Variants in NRXN1 observed in about 807,000 individuals in gnomAD.
NRXN1 encodes neurexin 1.
Under a neutral mutation model 150.9 loss-of-function variants are expected in NRXN1, and 39 were observed. That is an observed-to-expected ratio of 0.26 (90% CI 0.20 to 0.34). The LOEUF (loss-of-function observed/expected upper bound fraction) is 0.34, where lower values mean the gene tolerates loss of function less well. Ranked by LOEUF, NRXN1 falls within the 10% of genes least tolerant of loss-of-function variation. NRXN1 has a pLI of 1.00. For synonymous variants in NRXN1, 924 were observed against 757.0 expected (o/e 1.22, Z -3.62); for missense variants, 1,815 against 1,949.9 (o/e 0.93, Z 1.30).
chr2:50,058,254 C>T (rs187058125), intron 19 of NRXN1, among the ~76,000 whole-genome samples: 2 of 151,704 alleles, frequency 1.3e-5, no homozygotes, highest in African/African-American at 4.8e-5. Context: ...GGTCACCTAA[C>T]AACAACAATA....
chr2:50,482,170 T>C (rs1024660174), intron 15 of NRXN1, among the ~76,000 whole-genome samples: 3 of 152,170 alleles, frequency 2.0e-5, no homozygotes, highest in Admixed American at 1.3e-4. Flanking sequence ...ATTTTGTTTG[T>C]ATGTTTGGCC....
intron 5 of NRXN1, among the ~76,000 whole-genome samples, chr2:50,826,809 G>C (rs543476653): frequency 4.6e-5 from 7 of 152,290 alleles, no homozygotes; most frequent in African/African-American, 1.7e-4. Context: ...GTCAAGCAGA[G>C]GGTTTTTTAC....
intron 2 of NRXN1, among the ~76,000 whole-genome samples, chr2:50,966,972 T>A (rs1258661778): frequency 4.6e-5 from 7 of 151,956 alleles, no homozygotes; most frequent in Admixed American, 3.3e-4. Context: ...TGGCAAATAA[T>A]CTTTCACTAT....
chr2:50,452,033 C>T lies in NRXN1; in HGVS notation c.3364+13409G>A, dbSNP rs564379731. ...AGTACACAGGCATGATCTCTGCATT[C>T]GCAAAATATTTCAACTTAAAGTTGA... On this transcript the variant is annotated intron_variant, in intron 17 of 22. Coordinates refer to ENST00000401669, the MANE Select transcript of NRXN1 (RefSeq NM_001330078.2). 7.2e-5 allele frequency among the ~76,000 whole-genome samples: 11 copies of T among 152,158 alleles called. No homozygotes were observed. In the East Asian group the frequency reaches 1.5e-3, roughly 21 times the overall value.
At chr2:50,810,375 T>C (rs186865069) in intron 5 of NRXN1, among the ~76,000 whole-genome samples, 12 of 152,258 alleles carry the variant, frequency 7.9e-5, no homozygotes. Context: ...AAAATAATAA[T>C]ACTTTGCAGT....
intron 8 of NRXN1, among the ~76,000 whole-genome samples, chr2:50,573,767 T>C (rs1671005447): frequency 7.1e-6 from 1 of 140,326 alleles, no homozygotes; most frequent in Non-Finnish European, 1.6e-5. Context: ...TAATAATAAA[T>C]ACAATAATAA....
At chr2:50,182,534 G>A (rs1190929141) in intron 18 of NRXN1, among the ~76,000 whole-genome samples, 1 of 151,976 alleles carries the variant, frequency 6.6e-6, no homozygotes, top group African/African-American at 2.4e-5. Flanking sequence ...TTTATTCAAT[G>A]GAGGCATGAA....
chr2:50,395,465 T>C (rs1357189362), intron 17 of NRXN1, among the ~76,000 whole-genome samples: 1 of 151,890 alleles, frequency 6.6e-6, no homozygotes, highest in Non-Finnish European at 1.5e-5. Flanking sequence ...TACTCTGATA[T>C]AAAAATGGAT....
chr2:50,507,180 C>T (rs1316056078), intron 12 of NRXN1, among the ~76,000 whole-genome samples: 1 of 152,070 alleles, frequency 6.6e-6, no homozygotes, highest in Non-Finnish European at 1.5e-5. Context: ...TACCTGGTAC[C>T]TCCAGTGCTC....
At chr2:49,968,552 A>T (rs1677363431) in intron 21 of NRXN1, among the ~76,000 whole-genome samples, 1 of 152,074 alleles carries the variant, frequency 6.6e-6, no homozygotes, top group Non-Finnish European at 1.5e-5. Context: ...GGTGTCCGTA[A>T]TGCCATTTTA....
intron 18 of NRXN1, among the ~76,000 whole-genome samples, chr2:50,190,298 T>A (rs949367362): frequency 6.6e-6 from 1 of 152,152 alleles, no homozygotes; most frequent in African/African-American, 2.4e-5. Flanking sequence ...GAGGTACAAT[T>A]ACACTACATA....
At chr2:49,931,629 A>C (rs1268052693) in intron 22 of NRXN1, among the ~76,000 whole-genome samples, 4 of 151,974 alleles carry the variant, frequency 2.6e-5, no homozygotes, top group African/African-American at 9.7e-5. Flanking sequence ...ATAATTGTCA[A>C]GCAGAAGAAA....
At chr2:50,852,454 T>G (rs1017770106) in intron 5 of NRXN1, among the ~76,000 whole-genome samples, 1 of 152,204 alleles carries the variant, frequency 6.6e-6, no homozygotes, top group African/African-American at 2.4e-5. Flanking sequence ...GTTTAAAATA[T>G]GTCTGCCTGT....
At chr2:50,731,957 C>T (rs1698159255) in intron 5 of NRXN1, among the ~76,000 whole-genome samples, 2 of 152,050 alleles carry the variant, frequency 1.3e-5, no homozygotes, top group South Asian at 4.2e-4. Context: ...AAATTTAAGT[C>T]TTATTTGAAA....
chr2:50,115,249 A>AT (rs1702900258), intron 18 of NRXN1, among the ~76,000 whole-genome samples: 1 of 148,234 alleles, frequency 6.7e-6, no homozygotes, highest in African/African-American at 2.5e-5. Context: ...ATACACACAC[A>AT]CACATATATA....
At chr2:50,304,871 C>A (rs1309649485) in intron 17 of NRXN1, among the ~76,000 whole-genome samples, 1 of 152,048 alleles carries the variant, frequency 6.6e-6, no homozygotes, top group African/African-American at 2.4e-5. Flanking sequence ...GTGGGCGGAT[C>A]AGAAGGTCAG....
Position 50,741,759 on chromosome 2 carries a change from A to G in NRXN1, c.833-118144T>C, listed in dbSNP as rs907077048. ...CAGCACCTTAATGAATAAAATGACAATTCCAGAGAATGTTACCATCACTAG... is the reference window on the plus strand; with the variant it reads ...CAGCACCTTAATGAATAAAATGACAGTTCCAGAGAATGTTACCATCACTAG... On this transcript the variant is annotated intron_variant, in intron 5 of 22. Transcript: ENST00000401669. Among the ~76,000 whole-genome samples the G allele has an allele frequency of 3.9e-5, 6 of 152,278 alleles. No homozygotes were observed. In the East Asian group the frequency reaches 7.7e-4, roughly 20 times the overall value.
intron 19 of NRXN1, among the ~76,000 whole-genome samples, chr2:50,070,621 T>C (rs976673279): frequency 2.0e-5 from 3 of 151,442 alleles, no homozygotes; most frequent in African/African-American, 7.3e-5. Flanking sequence ...ATACAAAAAA[T>C]TATCCGGGCG....
chr2:50,547,290 T>C (rs983972577), intron 9 of NRXN1, among the ~76,000 whole-genome samples: 49 of 140,214 alleles, frequency 3.5e-4, no homozygotes, highest in African/African-American at 9.7e-4. Flanking sequence ...TGTGTAATGA[T>C]GGTTTACAAA....
Sources: allele counts gnomAD v4.1 joint callset (sites outside exome capture counted in the v4.1 genomes callset), GRCh38; gene constraint gnomAD v4.1.1; transcripts MANE v1.5; gene names NCBI Gene and HGNC (gene_info 2026-07-23, HGNC 2026-07-21).